The following RASGEF1A variants were observed in gnomAD, a reference collection of about 807,000 sequenced individuals.
RASGEF1A encodes the protein ras-GEF domain-containing family member 1A.
RASGEF1A carries 18 observed loss-of-function variants against 56.4 expected under a neutral mutation model. That is an observed-to-expected ratio of 0.32 (90% confidence interval 0.22 to 0.47). The LOEUF (loss-of-function observed/expected upper bound fraction) is 0.47. RASGEF1A is among the 20% of genes least tolerant of loss of function. RASGEF1A has a pLI of 1.00. For synonymous variants in RASGEF1A, 245 were observed against 242.6 expected (o/e 1.01, Z -0.09); for missense variants, 422 against 627.1 (o/e 0.67, Z 3.49).
At chr10:43,210,384 G>A (rs1275178627) in intron 1 of RASGEF1A, among the ~76,000 whole-genome samples, 1 of 152,200 alleles carries the variant, frequency 6.6e-6, no homozygotes, top group African/African-American at 2.4e-5. Context: ...TGAGGCAGGA[G>A]GATCACTTGA....
chr10:43,263,081 C>T (rs773759185), intron 1 of RASGEF1A, among the ~76,000 whole-genome samples: 26 of 152,146 alleles, frequency 1.7e-4, no homozygotes, highest in Non-Finnish European at 2.8e-4. Context: ...CACACACTGA[C>T]AGAACCCAGA....
rs1181448747 is a variant in RASGEF1A, at chr10:43,223,005, T to G, written c.-6-16883A>C. Among the ~76,000 whole-genome samples, 10 of 88,514 alleles carry G rather than the reference T, an allele frequency of 1.1e-4. No homozygotes were observed. In the East Asian group the frequency reaches 6.6e-3, roughly 58 times the overall value. The allele number at this position is 88,514 out of a possible 152,430, so 58.1% of individuals were successfully genotyped here. Reference sequence around the variant, plus strand: ...AGAGTAAGAAAAACACTTTATTGGTTTTTTTTTTATAACCCTATTAGAGGT... The same window carrying G: ...AGAGTAAGAAAAACACTTTATTGGTGTTTTTTTTATAACCCTATTAGAGGT... On this transcript the variant is annotated intron_variant, in intron 1 of 12. Coordinates refer to ENST00000395810, the MANE Select transcript of RASGEF1A (RefSeq NM_145313.4).
chr10:43,232,406 T>G (rs776008278), intron 1 of RASGEF1A, among the ~76,000 whole-genome samples: 1 of 151,566 alleles, frequency 6.6e-6, no homozygotes, highest in Non-Finnish European at 1.5e-5. Context: ...CAGAAGCAAA[T>G]GCTGCCATGA....
At chr10:43,253,976 G>T (rs1487572109) in intron 1 of RASGEF1A, among the ~76,000 whole-genome samples, 1 of 152,216 alleles carries the variant, frequency 6.6e-6, no homozygotes, top group Non-Finnish European at 1.5e-5. Context: ...TCACCCGGCA[G>T]TGCCCCTAAG....
At chr10:43,259,437 G>A (rs776213429) in intron 1 of RASGEF1A, among the ~76,000 whole-genome samples, 18 of 152,182 alleles carry the variant, frequency 1.2e-4, no homozygotes, top group Admixed American at 8.5e-4. Context: ...AGCAGTGCAG[G>A]GGCCTGACTC....
chr10:43,253,314 G>T (rs1396241682), intron 1 of RASGEF1A, among the ~76,000 whole-genome samples: 1 of 152,242 alleles, frequency 6.6e-6, no homozygotes, highest in Non-Finnish European at 1.5e-5. Context: ...GGGGAGGGCT[G>T]CCTTGCTCAC....
At chr10:43,251,959 G>T (rs1840631855) in intron 1 of RASGEF1A, among the ~76,000 whole-genome samples, 1 of 152,254 alleles carries the variant, frequency 6.6e-6, no homozygotes, top group Admixed American at 6.5e-5. Context: ...GGTGATGCAG[G>T]AGCAGGCAGA....
rs894235354 is a variant in RASGEF1A, at chr10:43,254,393, G to A, written c.-7+12452C>T. 3.9e-5 allele frequency among the ~76,000 whole-genome samples: 6 copies of A among 152,216 alleles called. No individual in the cohort carries two copies. In the East Asian group the frequency reaches 7.7e-4, roughly 20 times the overall value. On this transcript the variant is annotated intron_variant, in intron 1 of 12. Transcript: ENST00000395810. ...GCACTGGCCCTCCTGCTGAGGGCAC[G>A]GGTTTCCTAACAGGCACCTATCCTT...
At position 43,198,928 on chromosome 10, in the gene RASGEF1A, C is replaced by T; in HGVS notation, c.1032+5G>A. The T allele has an allele frequency of 6.2e-7, 1 of 1,612,466 alleles. No individual in the cohort carries two copies. The highest frequency in any genetic ancestry group is 1.8e-4 in the Middle Eastern group (1 of 5,552). On this transcript the variant is annotated splice_donor_5th_base_variant and intron_variant, in intron 9 of 12. Coordinates refer to ENST00000395810, the MANE Select transcript of RASGEF1A (RefSeq NM_145313.4). ...TCGCAGCTGTGACGGGGCTCAGGTGCCTACCTCCAAGACATCAAACTTGGC... is the reference window on the plus strand; with the variant it reads ...TCGCAGCTGTGACGGGGCTCAGGTGTCTACCTCCAAGACATCAAACTTGGC...
chr10:43,254,858 C>T (rs555201243), intron 1 of RASGEF1A, among the ~76,000 whole-genome samples: 20 of 152,294 alleles, frequency 1.3e-4, no homozygotes, highest in Admixed American at 2.0e-4. Flanking sequence ...TTATGGCACA[C>T]AAGCAATGAC....
At chr10:43,206,740 C>T in intron 1 of RASGEF1A, 1 of 986,526 alleles carries the variant, frequency 1.0e-6, no homozygotes, top group South Asian at 4.7e-5. Context: ...CTTGCTCAGG[C>T]AGGCGGTAGC....
At chr10:43,242,955 C>T (rs888014383) in intron 1 of RASGEF1A, among the ~76,000 whole-genome samples, 1 of 152,264 alleles carries the variant, frequency 6.6e-6, no homozygotes, top group Non-Finnish European at 1.5e-5. Context: ...CCCGCCACCC[C>T]GTCTAGGAAG....
intron 1 of RASGEF1A, among the ~76,000 whole-genome samples, chr10:43,212,852 C>G (rs1840087350): frequency 6.6e-6 from 1 of 152,208 alleles, no homozygotes; most frequent in Non-Finnish European, 1.5e-5. Flanking sequence ...TCACAGCTCC[C>G]CCCACAACAC....
At chr10:43,239,329 G>T (rs576863369) in intron 1 of RASGEF1A, among the ~76,000 whole-genome samples, 3 of 152,226 alleles carry the variant, frequency 2.0e-5, no homozygotes, top group Non-Finnish European at 4.4e-5. Context: ...TATGATCATT[G>T]TAAGTTTAAA....
At chr10:43,201,993 G>A (rs1839907622) in intron 3 of RASGEF1A, 48 bp from the exon 4 acceptor site, 14 of 1,523,022 alleles carry the variant, frequency 9.2e-6, no homozygotes, top group Admixed American at 2.0e-5. Flanking sequence ...GCAGAGTAGG[G>A]TACTAGATGG....
chr10:43,234,926 C>A (rs894268380), intron 1 of RASGEF1A, among the ~76,000 whole-genome samples: 1 of 152,212 alleles, frequency 6.6e-6, no homozygotes, highest in Non-Finnish European at 1.5e-5. Flanking sequence ...TGCAGAGAGG[C>A]CCCTCCAGGC....
intron 1 of RASGEF1A, among the ~76,000 whole-genome samples, chr10:43,243,884 C>T (rs546621868): frequency 1.3e-5 from 2 of 151,090 alleles, no homozygotes; most frequent in African/African-American, 2.4e-5. Flanking sequence ...CCAACAGCTC[C>T]GAAGAGACAG....
intron 1 of RASGEF1A, chr10:43,207,582 C>T (rs1033495756): frequency 6.1e-6 from 6 of 985,442 alleles, no homozygotes; most frequent in Middle Eastern, 5.2e-4. Context: ...AACCAAAGGC[C>T]CCACGATGAC....
intron 1 of RASGEF1A, among the ~76,000 whole-genome samples, chr10:43,258,897 G>A (rs980201897): frequency 2.0e-5 from 3 of 152,260 alleles, no homozygotes; most frequent in African/African-American, 7.2e-5. Context: ...GGGGGCCAGA[G>A]TGGAGAGAAG....
Sources: gnomAD v4.1 joint callset for allele counts (sites outside exome capture counted in the v4.1 genomes callset) on GRCh38, gnomAD v4.1.1 for gene constraint, MANE v1.5 for transcripts, NCBI Gene and HGNC (gene_info 2026-07-23, HGNC 2026-07-21) for gene names.